CDKL1: variants seen among roughly 807,000 people sequenced by gnomAD.
The protein encoded by CDKL1 is cyclin dependent kinase like 1.
Under a neutral mutation model 42.0 loss-of-function variants are expected in CDKL1, and 41 were observed. The ratio of observed to expected loss-of-function variants is 0.98; its 90% CI spans 0.76 to 1.27. CDKL1 has a LOEUF of 1.27. CDKL1 is among the 50% of genes most tolerant of loss of function. CDKL1 has a pLI of 0.00. For synonymous variants in CDKL1, 153 were observed against 158.6 expected, an observed-to-expected ratio of 0.96 and a Z score of 0.26; for missense variants, 394 against 428.4, an observed-to-expected ratio of 0.92 and a Z score of 0.71.
intron 2 of CDKL1, among the ~76,000 whole-genome samples, chr14:50,372,410 AC>A (rs2034616588): frequency 6.6e-6 from 1 of 152,144 alleles, no homozygotes; most frequent in Non-Finnish European, 1.5e-5. Flanking sequence ...GAGCCACCAC[AC>A]CCGGCCCGAG....
chr14:50,388,197 T>C (rs757257224), intron 2 of CDKL1, among the ~76,000 whole-genome samples: 1 of 152,258 alleles, frequency 6.6e-6, no homozygotes, highest in Non-Finnish European at 1.5e-5. Context: ...CTGAGGTTTT[T>C]ACTGAGTGAG....
intron 2 of CDKL1, among the ~76,000 whole-genome samples, chr14:50,387,418 G>C (rs374070597): frequency 6.6e-6 from 1 of 152,004 alleles, no homozygotes; most frequent in South Asian, 2.1e-4. Context: ...AGCTACTCAG[G>C]AGGCTGAGGC....
intron 7 of CDKL1, among the ~76,000 whole-genome samples, chr14:50,336,469 T>A (rs1450983161): frequency 6.6e-6 from 1 of 152,138 alleles, no homozygotes; most frequent in East Asian, 1.9e-4. Flanking sequence ...TCAGGTGTCA[T>A]TCCTGCCCCT....
At chr14:50,397,051 T>G, upstream of CDKL1, 2 of 1,317,490 alleles carry the variant, frequency 1.5e-6, no homozygotes, top group Non-Finnish European at 2.0e-6. Context: ...ATGGGAGCTG[T>G]CCTGACCGCG....
intron 7 of CDKL1, 180 bp from the exon 8 acceptor site, chr14:50,334,801 A>C: frequency 1.9e-6 from 1 of 534,530 alleles, no homozygotes. Context: ...TTCTCTCCCC[A>C]CCTCCAAATC....
intron 2 of CDKL1, among the ~76,000 whole-genome samples, chr14:50,371,802 C>A (rs960219347): frequency 6.6e-6 from 1 of 152,196 alleles, no homozygotes; most frequent in Admixed American, 6.5e-5. Context: ...CCTGGGAGGC[C>A]CCCCAACCCC....
rs187911337 is a variant in CDKL1 at position 50,338,806 on chromosome 14, G to A, written c.738+141C>T. On this transcript the variant is annotated intron_variant, in intron 7 of 9. Transcript: ENST00000395834. ...AAATGAGCAGTAAGGCTAAAGTCTC[G>A]CTAGCCAATTTGCTCCAATTTTCTT... 2.9e-4 allele frequency: 199 copies of A among 676,614 alleles called. 1 individual carries two copies. In the Admixed American group the frequency reaches 3.6e-3, roughly 12 times the overall value. 41.9% of individuals were successfully genotyped at this position (676,614 alleles called of 1,614,324 possible).
chr14:50,334,513 G>GTGA, intron 8 of CDKL1, 52 bp downstream of exon 8: 1 of 986,460 alleles, frequency 1.0e-6, no homozygotes, highest in Non-Finnish European at 1.6e-6. Flanking sequence ...AGATTCCCCA[G>GTGA]TGATGACAAC....
At chr14:50,383,275 C>T (rs925887264) in intron 2 of CDKL1, among the ~76,000 whole-genome samples, 38 of 151,386 alleles carry the variant, frequency 2.5e-4, no homozygotes, top group Non-Finnish European at 5.0e-4. Flanking sequence ...GTCGGCTGGG[C>T]GTGGTGGCTC....
intron 4 of CDKL1, among the ~76,000 whole-genome samples, chr14:50,344,504 C>CT (rs1713999484): frequency 7.8e-6 from 1 of 128,060 alleles, no homozygotes; most frequent in Non-Finnish European, 1.6e-5. Context: ...GGGTCTCATT[C>CT]TGTCATCCAG....
intron 2 of CDKL1, among the ~76,000 whole-genome samples, chr14:50,367,470 C>T (rs2034465644): frequency 6.6e-6 from 1 of 152,314 alleles, no homozygotes; most frequent in Non-Finnish European, 1.5e-5. Flanking sequence ...TCCATCATAG[C>T]CCCAACATTG....
At chr14:50,357,641 C>CT (rs922894459) in intron 3 of CDKL1, among the ~76,000 whole-genome samples, 1 of 152,194 alleles carries the variant, frequency 6.6e-6, no homozygotes, top group African/African-American at 2.4e-5. Flanking sequence ...CCAGGACCTG[C>CT]TAATCATTCC....
At chr14:50,362,662 A>C (rs2096032) in intron 2 of CDKL1, among the ~76,000 whole-genome samples, 116,711 of 151,974 alleles carry the variant, frequency 0.77, 45,794 homozygotes, top group African/African-American at 0.94. Flanking sequence ...CTTAGAGAAC[A>C]TTTGTGTCCA....
intron 9 of CDKL1, chr14:50,330,455 CAT>C (rs1310916218): frequency 3.4e-5 from 11 of 319,366 alleles, no homozygotes; most frequent in East Asian, 2.6e-4. Context: ...GGGAAGAAAA[CAT>C]AGATTTACAG....
intron 5 of CDKL1, among the ~76,000 whole-genome samples, chr14:50,341,642 G>T (rs1481488514): frequency 6.6e-6 from 1 of 152,068 alleles, no homozygotes; most frequent in Non-Finnish European, 1.5e-5. Context: ...TTAGCCAGGT[G>T]TGGTGGCTCA....
chr14:50,330,858 T>A (rs937947376), intron 9 of CDKL1: 1 of 152,262 alleles, frequency 6.6e-6, no homozygotes, highest in East Asian at 1.9e-4. Context: ...ACTTTTACTT[T>A]CTAGAAAAAA....
intron 2 of CDKL1, among the ~76,000 whole-genome samples, chr14:50,368,584 C>A (rs1039103698): frequency 1.3e-5 from 2 of 152,090 alleles, no homozygotes; most frequent in Admixed American, 6.6e-5. Context: ...GTTTCAAATA[C>A]TGATGTTCCA....
intron 9 of CDKL1, chr14:50,332,053 G>A (rs766348898): frequency 2.5e-5 from 39 of 1,542,998 alleles, no homozygotes; most frequent in Non-Finnish European, 3.2e-5. Flanking sequence ...GTGGCATCAG[G>A]AAGCAGCAGG....
chr14:50,345,052 T>A lies in CDKL1; in HGVS notation c.297A>T (p.Pro99=). Reference sequence around the variant, plus strand: ...AAGTTATGCTCTTCACGAGATGTTCTGGTACCCTAATAAAAATAAAGCAGC... The same window carrying A: ...AAGTTATGCTCTTCACGAGATGTTCAGGTACCCTAATAAAAATAAAGCAGC... ...HELDRYQRGV[P]EHLVKSITWQ... is the part of the protein sequence containing the mutation. The change falls in exon 4 of 10, where the codon CCA becomes CCT. Residue 99 remains proline, a synonymous_variant. Transcript: ENST00000395834. 1 of 1,613,876 alleles carries A rather than the reference T, an allele frequency of 6.2e-7. No homozygotes were observed. Among genetic ancestry groups the A allele is most frequent in the Non-Finnish European group, 8.5e-7 (1 of 1,179,908 alleles).
Sources: gnomAD v4.1 joint callset for allele counts (sites outside exome capture counted in the v4.1 genomes callset) on GRCh38, gnomAD v4.1.1 for gene constraint, MANE v1.5 for transcripts, NCBI Gene and HGNC (gene_info 2026-07-23, HGNC 2026-07-21) for gene names.